Variants in MCTP1 observed in about 807,000 individuals in gnomAD.
MCTP1 encodes multiple C2 and transmembrane domain containing 1.
MCTP1 carries 69 observed loss-of-function variants against 120.6 expected under a neutral mutation model. The observed-to-expected ratio is 0.57, with a 90% CI of 0.47 to 0.70. The LOEUF is 0.70. Among genes scored for constraint, MCTP1 ranks in the 30% least tolerant of loss-of-function variants. The pLI, the probability that MCTP1 is intolerant of heterozygous loss-of-function variation, is 0.00. For synonymous variants in MCTP1, 529 were observed against 493.1 expected, an observed-to-expected ratio of 1.07 and a Z score of -0.96; for missense variants, 1,203 against 1,248.8, an observed-to-expected ratio of 0.96 and a Z score of 0.55.
intron 17 of MCTP1, among the ~76,000 whole-genome samples, chr5:94,847,682 G>GTGTATATATATATATATATATA (rs1169588105): frequency 9.8e-6 from 1 of 102,378 alleles, no homozygotes; most frequent in Non-Finnish European, 2.0e-5. Flanking sequence ...GTGTGTGTGT[G>GTGTATATATATATATATATATA]TATATATATA....
chr5:95,024,082 T>G, intron 1 of MCTP1: 1 of 450,670 alleles, frequency 2.2e-6, no homozygotes, highest in Non-Finnish European at 4.5e-6. Context: ...TTCTTTGTTG[T>G]GCAGAAGCTT....
intron 1 of MCTP1, among the ~76,000 whole-genome samples, chr5:95,018,836 G>T (rs1413351456): frequency 1.3e-5 from 2 of 151,842 alleles, no homozygotes; most frequent in African/African-American, 4.8e-5. Context: ...CACTCATTTG[G>T]ATCAGGCCTT....
intron 1 of MCTP1, among the ~76,000 whole-genome samples, chr5:95,032,465 TAAAAA>T (rs1413276293): frequency 6.6e-6 from 1 of 152,010 alleles, no homozygotes; most frequent in Non-Finnish European, 1.5e-5. Flanking sequence ...ACACGGAAAC[TAAAAA>T]GTCTTGTTTC....
chr5:94,982,598 T>C (rs1829644549), intron 2 of MCTP1, among the ~76,000 whole-genome samples: 1 of 152,114 alleles, frequency 6.6e-6, no homozygotes, highest in African/African-American at 2.4e-5. Flanking sequence ...AAGTTGACTT[T>C]GAGTTCATCA....
chr5:95,164,220 G>A (rs556340923), intron 1 of MCTP1, among the ~76,000 whole-genome samples: 7 of 152,096 alleles, frequency 4.6e-5, no homozygotes, highest in Non-Finnish European at 1.0e-4. Flanking sequence ...AGCATTATTT[G>A]CCTTAGTTAA....
intron 17 of MCTP1, among the ~76,000 whole-genome samples, chr5:94,845,980 T>C (rs1792242223): frequency 6.6e-6 from 1 of 152,212 alleles, no homozygotes; most frequent in Non-Finnish European, 1.5e-5. Flanking sequence ...GAATGGCTAT[T>C]ACTGAAAAGT....
intron 1 of MCTP1, among the ~76,000 whole-genome samples, chr5:95,239,977 A>G (rs1346802985): frequency 1.3e-5 from 2 of 152,124 alleles, no homozygotes; most frequent in Non-Finnish European, 2.9e-5. Flanking sequence ...AAAGTTTTCT[A>G]TATGGGTTAA....
intron 1 of MCTP1, among the ~76,000 whole-genome samples, chr5:95,018,002 A>C (rs139212172): frequency 1.2e-3 from 186 of 152,196 alleles, no homozygotes; most frequent in African/African-American, 4.3e-3. Flanking sequence ...AAATAAATTC[A>C]CCTAGCATTT....
rs900213862 is a variant in MCTP1 at position 94,802,910 on chromosome 5, G to A, written c.2437-3778C>T. ...TTAGAATTTTTTGATGTTACAGTGCGGTGATAAGGACACTCACAAATGTCT... is the reference window on the plus strand; with the variant it reads ...TTAGAATTTTTTGATGTTACAGTGCAGTGATAAGGACACTCACAAATGTCT... On this transcript the variant is annotated intron_variant, in intron 17 of 22. Coordinates refer to ENST00000515393, the MANE Select transcript of MCTP1 (RefSeq NM_024717.7). Among the ~76,000 whole-genome samples the A allele has an allele frequency of 5.3e-5, 8 of 152,222 alleles. No homozygotes were observed. In the Middle Eastern group the frequency reaches 0.01, roughly 194 times the overall value.
chr5:95,117,811 C>T (rs1464818987), intron 1 of MCTP1, among the ~76,000 whole-genome samples: 1 of 152,182 alleles, frequency 6.6e-6, no homozygotes, highest in Admixed American at 6.5e-5. Context: ...GGTACCTATA[C>T]ACTATGCAAT....
At chr5:94,900,150 TCCTC>T (rs1805125809) in intron 10 of MCTP1, among the ~76,000 whole-genome samples, 1 of 152,158 alleles carries the variant, frequency 6.6e-6, no homozygotes, top group African/African-American at 2.4e-5. Flanking sequence ...AGCCTTATAA[TCCTC>T]CCAACATCCA....
At chr5:95,091,655 TCA>T (rs1345097251) in intron 1 of MCTP1, among the ~76,000 whole-genome samples, 1 of 152,202 alleles carries the variant, frequency 6.6e-6, no homozygotes, top group Non-Finnish European at 1.5e-5. Flanking sequence ...TCCTGAGCTT[TCA>T]CAGTTTGTCC....
chr5:94,765,198 T>C lies in MCTP1; in HGVS notation c.2610+13912A>G, dbSNP rs371744051. ...AAAATAAAAGATTTCTTATAACAAA[T>C]AAAAATAGAAACACAACATGCCAAA... On this transcript the variant is annotated intron_variant, in intron 19 of 22. Coordinates refer to ENST00000515393, the MANE Select transcript of MCTP1 (RefSeq NM_024717.7). 1.1e-4 allele frequency among the ~76,000 whole-genome samples: 17 copies of C among 151,638 alleles called. No homozygotes were observed. The East Asian group carries it at 1.5e-3, about 14-fold the overall frequency.
intron 17 of MCTP1, among the ~76,000 whole-genome samples, chr5:94,802,406 T>C (rs2153032834): frequency 6.6e-6 from 1 of 152,350 alleles, no homozygotes; most frequent in South Asian, 2.1e-4. Flanking sequence ...ATATTAGTGA[T>C]AATTCTAATT....
chr5:94,975,057 T>A (rs1561953759), intron 2 of MCTP1, among the ~76,000 whole-genome samples: 1 of 152,170 alleles, frequency 6.6e-6, no homozygotes, highest in Admixed American at 6.6e-5. Context: ...CCCTTGCTTT[T>A]AATTCTTCAT....
chr5:94,952,433 G>T (rs1820860570), intron 3 of MCTP1, among the ~76,000 whole-genome samples: 1 of 152,156 alleles, frequency 6.6e-6, no homozygotes, highest in Admixed American at 6.5e-5. Flanking sequence ...GATGATATGA[G>T]GGGAAGAAGT....
intron 1 of MCTP1, among the ~76,000 whole-genome samples, chr5:95,204,083 G>A (rs983935585): frequency 6.6e-6 from 1 of 152,046 alleles, no homozygotes; most frequent in African/African-American, 2.4e-5. Context: ...AATAATCTGT[G>A]GGGGGCTCTA....
chr5:94,911,929 A>G (rs958847597), intron 9 of MCTP1, among the ~76,000 whole-genome samples: 4 of 152,146 alleles, frequency 2.6e-5, no homozygotes, highest in Admixed American at 6.5e-5. Flanking sequence ...TGCGTAACAT[A>G]TATTCATTTA....
intron 17 of MCTP1, among the ~76,000 whole-genome samples, chr5:94,861,048 T>C (rs1255466261): frequency 6.6e-6 from 1 of 151,812 alleles, no homozygotes; most frequent in African/African-American, 2.4e-5. Context: ...TAGTTTTCTC[T>C]GATTTTCTCT....
Sources: gnomAD v4.1 joint callset for allele counts (sites outside exome capture counted in the v4.1 genomes callset) on GRCh38, gnomAD v4.1.1 for gene constraint, MANE v1.5 for transcripts, NCBI Gene and HGNC (gene_info 2026-07-23, HGNC 2026-07-21) for gene names.